Variants in AKT3 observed in about 807,000 individuals in gnomAD.
AKT3 encodes the protein RAC-gamma serine/threonine-protein kinase.
In AKT3, 15 loss-of-function variants were observed where a neutral mutation model predicts 65.3. The observed-to-expected ratio is 0.23, with a 90% CI of 0.15 to 0.35. The LOEUF is 0.35. Among genes scored for constraint, AKT3 ranks in the 10% least tolerant of loss-of-function variants. The pLI is 1.00. For missense variants in AKT3, 243 were observed against 576.5 expected (o/e 0.42, Z 5.92); for synonymous variants, 206 against 183.8 (o/e 1.12, Z -0.98).
chr1:243,630,763 T>C (rs1011734726), intron 6 of AKT3, among the ~76,000 whole-genome samples: 5 of 152,226 alleles, frequency 3.3e-5, no homozygotes, highest in Admixed American at 1.3e-4. Flanking sequence ...CAGTCTGTTC[T>C]GTAACTATAC....
At chr1:243,772,531 G>C (rs1690255171) in intron 2 of AKT3, among the ~76,000 whole-genome samples, 1 of 152,238 alleles carries the variant, frequency 6.6e-6, no homozygotes, top group African/African-American at 2.4e-5. Flanking sequence ...AAAAAGTCAG[G>C]AAACAACAGG....
intron 9 of AKT3, 45 bp downstream of exon 9, chr1:243,572,881 A>G: frequency 6.4e-7 from 1 of 1,555,646 alleles, no homozygotes; most frequent in South Asian, 1.2e-5. Context: ...TTGTCCCTAT[A>G]GTCTCTGCAA....
chr1:243,769,385 T>C (rs1690030778), intron 2 of AKT3, among the ~76,000 whole-genome samples: 1 of 152,182 alleles, frequency 6.6e-6, no homozygotes, highest in Non-Finnish European at 1.5e-5. Flanking sequence ...GGAACTGCTG[T>C]TTTCCAAAGC....
At chr1:243,816,670 G>A (rs922880857) in intron 2 of AKT3, among the ~76,000 whole-genome samples, 6 of 152,036 alleles carry the variant, frequency 3.9e-5, no homozygotes, top group African/African-American at 1.4e-4. Flanking sequence ...ATCCACCGTA[G>A]AAAGAAATAG....
chr1:243,490,027 G>T (rs1457540334), intron 13 of AKT3, among the ~76,000 whole-genome samples: 1 of 152,222 alleles, frequency 6.6e-6, no homozygotes, highest in Admixed American at 6.5e-5. Context: ...AATTAGGATT[G>T]CACCCAGGTG....
intron 2 of AKT3, among the ~76,000 whole-genome samples, chr1:243,743,559 C>T (rs1439979271): frequency 3.3e-5 from 5 of 152,000 alleles, no homozygotes; most frequent in Admixed American, 6.6e-5. Context: ...ATGATTATGC[C>T]AAATGTTTTA....
At chr1:243,545,420 A>G (rs1672598480) in intron 12 of AKT3, 90 bp downstream of exon 12, 2 of 717,698 alleles carry the variant, frequency 2.8e-6, no homozygotes. Context: ...TTACATCATT[A>G]ACTTTTATTC....
At chr1:243,702,259 CTT>C (rs1685518260) in intron 2 of AKT3, among the ~76,000 whole-genome samples, 2 of 152,110 alleles carry the variant, frequency 1.3e-5, no homozygotes, top group Non-Finnish European at 2.9e-5. Flanking sequence ...GGTCAACAAA[CTT>C]CTCAAATTAG....
downstream of AKT3, among the ~76,000 whole-genome samples, chr1:243,497,337 T>TGGGG (rs373624566): frequency 5.6e-5 from 2 of 35,432 alleles, no homozygotes; most frequent in Non-Finnish European, 1.3e-4. Flanking sequence ...TAGGCACGGG[T>TGGGG]GGGGGGGGGG....
At chr1:243,584,738 G>C (rs1026755550) in intron 8 of AKT3, among the ~76,000 whole-genome samples, 2 of 151,988 alleles carry the variant, frequency 1.3e-5, no homozygotes, top group Non-Finnish European at 2.9e-5. Flanking sequence ...AGGCATCAAA[G>C]GAACATACCT....
chr1:243,568,552 G>C (rs1240737687), intron 9 of AKT3, among the ~76,000 whole-genome samples: 1 of 152,116 alleles, frequency 6.6e-6, no homozygotes, highest in Non-Finnish European at 1.5e-5. Context: ...TCTTGATTCA[G>C]TGTGTATATG....
Position 243,625,559 on chromosome 1 carries a change from T to C in AKT3, c.562-10398A>G, listed in dbSNP as rs915266150. The stretch of plus-strand genomic sequence containing the variant: ...CTGTTAGCCTCCAGGATAAACCCAA[T>C]GGAAAATTATGCTGAAAAAAACAGA... On this transcript the variant is annotated intron_variant, in intron 6 of 13. Transcript: ENST00000673466. Among the ~76,000 whole-genome samples the C allele has an allele frequency of 5.9e-5, 9 of 152,170 alleles. No homozygotes were observed. The South Asian group carries it at 1.0e-3, about 18-fold the overall frequency.
chr1:243,769,503 G>A (rs986646868), intron 2 of AKT3, among the ~76,000 whole-genome samples: 1 of 152,130 alleles, frequency 6.6e-6, no homozygotes, highest in Admixed American at 6.5e-5. Context: ...TAGGTGAGTT[G>A]ATATCTCACA....
At chr1:243,687,243 A>C (rs1401070977) in intron 3 of AKT3, among the ~76,000 whole-genome samples, 2 of 152,092 alleles carry the variant, frequency 1.3e-5, no homozygotes, top group Non-Finnish European at 2.9e-5. Flanking sequence ...TTTGATTCTA[A>C]ATAAGCCCCC....
intron 2 of AKT3, among the ~76,000 whole-genome samples, chr1:243,720,282 G>A (rs1452729133): frequency 1.3e-5 from 2 of 150,746 alleles, no homozygotes; most frequent in Non-Finnish European, 3.0e-5. Flanking sequence ...TGGGCAACAA[G>A]AACAAAACTC....
intron 3 of AKT3, 83 bp from the exon 4 acceptor site, chr1:243,664,966 T>C: frequency 1.4e-6 from 1 of 701,560 alleles, no homozygotes; most frequent in South Asian, 3.1e-5. Flanking sequence ...GAGTTCTATT[T>C]TAAACAAAAC....
intron 4 of AKT3, among the ~76,000 whole-genome samples, chr1:243,653,865 T>C (rs1681562363): frequency 6.6e-6 from 1 of 152,230 alleles, no homozygotes; most frequent in South Asian, 2.1e-4. Context: ...TCCATTCTTC[T>C]TATGCTTACT....
chr1:243,780,725 T>A (rs1318513673), intron 2 of AKT3, among the ~76,000 whole-genome samples: 1 of 152,040 alleles, frequency 6.6e-6, no homozygotes, highest in East Asian at 1.9e-4. Context: ...AACTTTGTAA[T>A]TGTTCTAACT....
intron 2 of AKT3, among the ~76,000 whole-genome samples, chr1:243,697,451 C>G (rs573288775): frequency 1.3e-5 from 2 of 151,962 alleles, no homozygotes; most frequent in Non-Finnish European, 2.9e-5. Flanking sequence ...TGATACTACA[C>G]CAGAATTCAA....
Sources: allele counts gnomAD v4.1 joint callset (sites outside exome capture counted in the v4.1 genomes callset), GRCh38; gene constraint gnomAD v4.1.1; transcripts MANE v1.5; gene names NCBI Gene and HGNC (gene_info 2026-07-23, HGNC 2026-07-21).